FOXJ3: variants seen among roughly 807,000 people sequenced by gnomAD.
FOXJ3 encodes the protein forkhead box protein J3.
In FOXJ3, 22 loss-of-function variants were observed where a neutral mutation model predicts 76.1. The ratio of observed to expected loss-of-function variants is 0.29; its 90% CI spans 0.21 to 0.41. The LOEUF is 0.41. Among genes scored for constraint, FOXJ3 ranks in the 10% least tolerant of loss-of-function variants. The pLI is 1.00. For synonymous variants in FOXJ3, 269 were observed against 261.2 expected, an observed-to-expected ratio of 1.03 and a Z score of -0.29; for missense variants, 613 against 762.1, an observed-to-expected ratio of 0.80 and a Z score of 2.30.
chr1:42,288,854 C>T (rs1653233185), intron 2 of FOXJ3, among the ~76,000 whole-genome samples: 1 of 152,046 alleles, frequency 6.6e-6, no homozygotes, highest in Non-Finnish European at 1.5e-5. Context: ...AATGTAATGC[C>T]AATTTTCTCA....
At chr1:42,280,246 A>T in intron 2 of FOXJ3, 1 of 959,024 alleles carries the variant, frequency 1.0e-6, no homozygotes, top group Non-Finnish European at 1.2e-6. Flanking sequence ...ACATTAAGCA[A>T]AAGCAATTAT....
chr1:42,322,918 T>C (rs1330140579), intron 1 of FOXJ3, among the ~76,000 whole-genome samples: 2 of 152,168 alleles, frequency 1.3e-5, no homozygotes, highest in African/African-American at 4.8e-5. Context: ...AACTGGAGTA[T>C]TGTATTCTGA....
chr1:42,271,307 A>ATT (rs549035064), intron 3 of FOXJ3, among the ~76,000 whole-genome samples: 3 of 147,986 alleles, frequency 2.0e-5, no homozygotes, highest in Admixed American at 6.7e-5. Context: ...ATCCCTTTTC[A>ATT]TTTTTTTTTT....
rs1480543950 is a variant in FOXJ3, at chr1:42,177,502, C to T, written c.*2208G>A. ...CTTAAGCAAACCATTGAAAATCACC[C>T]CTCTTTTTTCAAGCATTTACTCTGC... On this transcript the variant is annotated 3_prime_UTR_variant, in exon 13 of 13. Coordinates refer to ENST00000361346, the MANE Select transcript of FOXJ3 (RefSeq NM_014947.5). 1 of 152,482 alleles carries T rather than the reference C, an allele frequency of 6.6e-6. No homozygotes were observed. Among genetic ancestry groups the T allele is most frequent in the African/African-American group, 2.4e-5 (1 of 41,400 alleles). 9.4% of individuals were successfully genotyped at this position (152,482 alleles called of 1,614,324 possible). A position where few individuals can be genotyped will look rare whatever the true frequency, so the allele number is the denominator to read the frequency against.
intron 6 of FOXJ3, among the ~76,000 whole-genome samples, chr1:42,203,557 T>C (rs145023443): frequency 3.3e-5 from 5 of 152,218 alleles, no homozygotes; most frequent in Non-Finnish European, 7.3e-5. Context: ...CATGGCTCTC[T>C]CCTCCTTTGA....
chr1:42,228,471 C>G (rs1384464405), intron 4 of FOXJ3, among the ~76,000 whole-genome samples: 6 of 150,818 alleles, frequency 4.0e-5, no homozygotes, highest in Non-Finnish European at 8.8e-5. Flanking sequence ...CTTAACTATT[C>G]TCTCTTACTT....
chr1:42,311,000 CTT>C, intron 2 of FOXJ3, 48 bp downstream of exon 2: 1 of 1,178,766 alleles, frequency 8.5e-7, no homozygotes, highest in Non-Finnish European at 1.2e-6. Context: ...ACCAGTCTAA[CTT>C]TTAAAATGTT....
intron 1 of FOXJ3, among the ~76,000 whole-genome samples, chr1:42,332,917 T>C (rs1364079719): frequency 3.3e-5 from 5 of 152,208 alleles, no homozygotes; most frequent in Admixed American, 1.3e-4. Flanking sequence ...TTTGATGCAG[T>C]TTGATAATTC....
intron 4 of FOXJ3, among the ~76,000 whole-genome samples, chr1:42,229,932 G>A (rs578011933): frequency 1.3e-5 from 2 of 152,304 alleles, no homozygotes; most frequent in South Asian, 4.2e-4. Context: ...GTGTGTATAT[G>A]TGTATTAATC....
chr1:42,223,244 A>G (rs1569932707), intron 5 of FOXJ3, among the ~76,000 whole-genome samples: 1 of 152,316 alleles, frequency 6.6e-6, no homozygotes, highest in African/African-American at 2.4e-5. Flanking sequence ...AGCTCAGGCC[A>G]TTACTATTGC....
rs542210022 is a variant in FOXJ3, at chr1:42,214,877, T to A, written c.529-9014A>T. On this transcript the variant is annotated intron_variant, in intron 5 of 12. Transcript: ENST00000361346. The stretch of plus-strand genomic sequence containing the variant: ...ATAACACAGCACAAATGTGCCAGGC[T>A]GAGGCCTGAACCATGCATATACAGA... 1.2e-4 allele frequency among the ~76,000 whole-genome samples: 18 copies of A among 152,352 alleles called. No individual in the cohort carries two copies. In the East Asian group the frequency reaches 3.5e-3, roughly 29 times the overall value.
chr1:42,284,126 A>G (rs1025513784), intron 2 of FOXJ3, among the ~76,000 whole-genome samples: 7 of 152,176 alleles, frequency 4.6e-5, no homozygotes, highest in Non-Finnish European at 1.0e-4. Context: ...ACGACTATAA[A>G]AGAGTCTCTA....
At chr1:42,288,197 T>C (rs1255828744) in intron 2 of FOXJ3, among the ~76,000 whole-genome samples, 14 of 152,200 alleles carry the variant, frequency 9.2e-5, no homozygotes, top group African/African-American at 3.1e-4. Flanking sequence ...CTCTGAGTAG[T>C]TGTAAAGATT....
At chr1:42,332,979 A>C (rs890450034) in intron 1 of FOXJ3, among the ~76,000 whole-genome samples, 1 of 152,194 alleles carries the variant, frequency 6.6e-6, no homozygotes, top group Non-Finnish European at 1.5e-5. Flanking sequence ...TTCTTTCGAT[A>C]TAAGTTGAAG....
chr1:42,215,653 T>G (rs1212368583), intron 5 of FOXJ3, among the ~76,000 whole-genome samples: 2 of 152,152 alleles, frequency 1.3e-5, no homozygotes, highest in African/African-American at 4.8e-5. Flanking sequence ...AAAACCACAC[T>G]TAGATACATC....
chr1:42,335,331 G>C (rs1466131111), upstream of FOXJ3: 1 of 152,138 alleles, frequency 6.6e-6, no homozygotes, highest in Non-Finnish European at 1.5e-5. Flanking sequence ...GTCCCTGCGC[G>C]GTCACGGTCG....
At chr1:42,189,697 A>G in intron 9 of FOXJ3, 3 of 283,732 alleles carry the variant, frequency 1.1e-5, no homozygotes, top group Non-Finnish European at 2.0e-5. Flanking sequence ...CCTCCAGTCT[A>G]GCAGTTTCCA....
At chr1:42,201,221 ATGCTTTTT>A (rs1287575236) in intron 6 of FOXJ3, among the ~76,000 whole-genome samples, 1 of 152,140 alleles carries the variant, frequency 6.6e-6, no homozygotes, top group African/African-American at 2.4e-5. Flanking sequence ...TCCAAACTTT[ATGCTTTTT>A]ATTTCTTGTT....
intron 4 of FOXJ3, among the ~76,000 whole-genome samples, chr1:42,242,644 G>A (rs1649239249): frequency 6.6e-6 from 1 of 151,686 alleles, no homozygotes; most frequent in Admixed American, 6.6e-5. Context: ...ATGCTGCCCA[G>A]GTGACCAAGG....
Sources: allele counts gnomAD v4.1 joint callset (sites outside exome capture counted in the v4.1 genomes callset), GRCh38; gene constraint gnomAD v4.1.1; transcripts MANE v1.5; gene names NCBI Gene and HGNC (gene_info 2026-07-23, HGNC 2026-07-21).